The following CACNA1E variants were observed in gnomAD, a reference collection of about 807,000 sequenced individuals.
The protein encoded by CACNA1E is voltage-dependent R-type calcium channel subunit alpha-1E.
Under a neutral mutation model 259.2 loss-of-function variants are expected in CACNA1E, and 40 were observed. The observed-to-expected ratio is 0.15, with a 90% CI of 0.12 to 0.20. The LOEUF is 0.20. Ranked by LOEUF, CACNA1E falls within the 10% of genes least tolerant of loss-of-function variation. The pLI, the probability that CACNA1E is intolerant of heterozygous loss-of-function variation, is 1.00. For synonymous variants in CACNA1E, 1,104 were observed against 1,138.5 expected, an observed-to-expected ratio of 0.97 and a Z score of 0.61; for missense variants, 1,874 against 3,040.1, an observed-to-expected ratio of 0.62 and a Z score of 9.02.
At chr1:181,668,537 AAG>A (rs1261520303) in intron 7 of CACNA1E, among the ~76,000 whole-genome samples, 1 of 152,138 alleles carries the variant, frequency 6.6e-6, no homozygotes, top group Non-Finnish European at 1.5e-5. Context: ...GCCATATGGT[AAG>A]TGCATGTTTA....
At position 181,802,881 on chromosome 1, in the gene CACNA1E, A is replaced by G. The variant is rs1662377136; in HGVS notation, c.*4047A>G. The G allele has an allele frequency of 6.6e-6, 1 of 152,196 alleles. No homozygotes were observed. Among genetic ancestry groups the G allele is most frequent in the South Asian group, 2.1e-4 (1 of 4,836 alleles). 9.4% of individuals were successfully genotyped at this position (152,196 alleles called of 1,614,324 possible). ...AAGTGTTTCTTTAGTGGTTGGGGCC[A>G]GGGACAGGTTGAGGGATATTTCTCG... On this transcript the variant is annotated 3_prime_UTR_variant, in exon 48 of 48. Transcript: ENST00000367573.
At chr1:181,738,267 G>C in intron 23 of CACNA1E, 100 bp from the exon 24 acceptor site, 1 of 895,048 alleles carries the variant, frequency 1.1e-6, no homozygotes. Context: ...TGAGGGCCAG[G>C]GTGGGCGTGC....
At chr1:181,573,116 T>C (rs1030418596) in intron 3 of CACNA1E, among the ~76,000 whole-genome samples, 10 of 152,176 alleles carry the variant, frequency 6.6e-5, no homozygotes, top group African/African-American at 2.4e-4. Context: ...TTTAATTTTT[T>C]CTGAGCTTTG....
chr1:181,578,106 AAAAAG>A (rs1651156108), intron 4 of CACNA1E, among the ~76,000 whole-genome samples: 1 of 152,170 alleles, frequency 6.6e-6, no homozygotes, highest in African/African-American at 2.4e-5. Context: ...GTAAACAACA[AAAAAG>A]AAAAGTGCTC....
At chr1:181,328,044 T>C (rs535150946) in intron 1 of CACNA1E, among the ~76,000 whole-genome samples, 2 of 152,338 alleles carry the variant, frequency 1.3e-5, no homozygotes, top group Admixed American at 6.5e-5. Flanking sequence ...CTTCACATAG[T>C]TGCAGAAGGT....
At chr1:181,562,947 C>A (rs1649465615) in intron 3 of CACNA1E, among the ~76,000 whole-genome samples, 1 of 152,068 alleles carries the variant, frequency 6.6e-6, no homozygotes, top group Admixed American at 6.6e-5. Context: ...AGGCACAATT[C>A]TTTTTTAATT....
At chr1:181,390,090 T>G (rs1390992181) in intron 1 of CACNA1E, among the ~76,000 whole-genome samples, 1 of 152,156 alleles carries the variant, frequency 6.6e-6, no homozygotes, top group East Asian at 1.9e-4. Flanking sequence ...TGCTGCCGTG[T>G]GATTGACTGC....
chr1:181,807,018 T>TGTG lies in CACNA1E; in HGVS notation c.*8187_*8189dup, dbSNP rs1462096817. ...GTTAAAAAATGCACTTTGTGCTGTG[T>TGTG]GTGGTAGCTCGTATGTGTTACCCCA... is the stretch of plus-strand genomic sequence containing the variant. On this transcript the variant is annotated 3_prime_UTR_variant, in exon 48 of 48. Coordinates refer to ENST00000367573, the MANE Select transcript of CACNA1E (RefSeq NM_001205293.3). 2.0e-5 allele frequency: 3 copies of TGTG among 151,884 alleles called. No homozygotes were observed. Among genetic ancestry groups the TGTG allele is most frequent in the Admixed American group, 2.0e-4 (3 of 15,258 alleles). The allele number at this position is 151,884 out of a possible 1,614,324, so 9.4% of individuals were successfully genotyped here. A position where few individuals can be genotyped will look rare whatever the true frequency, so the allele number is the denominator to read the frequency against.
At chr1:181,724,354 C>T in intron 16 of CACNA1E, 116 bp from the exon 17 acceptor site, 2 of 746,704 alleles carry the variant, frequency 2.7e-6, no homozygotes, top group Non-Finnish European at 4.7e-6. Flanking sequence ...AGTGACTCTT[C>T]AGGGTAGCTT....
chr1:181,545,881 CT>C, intron 3 of CACNA1E, among the ~76,000 whole-genome samples: 1 of 152,256 alleles, frequency 6.6e-6, no homozygotes, highest in East Asian at 1.9e-4. Flanking sequence ...TTTGCTGTTC[CT>C]TCAGGAGTGT....
In CACNA1E at chr1:181,557,044, C is replaced by G. The variant is rs577921912; in HGVS notation, c.513-20722C>G. ...AGGCATGGGTCTCTGTCTCCTTGGC[C>G]CTGGGAGAAGGGATTTTGGTGGGAG... On this transcript the variant is annotated intron_variant, in intron 3 of 47. Transcript: ENST00000367573. Among the ~76,000 whole-genome samples the G allele has an allele frequency of 3.3e-5, 5 of 152,082 alleles. No individual in the cohort carries two copies. In the South Asian group the frequency reaches 1.0e-3, roughly 32 times the overall value.
chr1:181,643,805 G>A (rs989048479), intron 6 of CACNA1E, among the ~76,000 whole-genome samples: 1 of 152,230 alleles, frequency 6.6e-6, no homozygotes, highest in South Asian at 2.1e-4. Flanking sequence ...TGGCAGCGGG[G>A]AGATGGTGGC....
Position 181,803,274 on chromosome 1 carries a change from G to A in CACNA1E, c.*4440G>A, listed in dbSNP as rs1662406539. The stretch of plus-strand genomic sequence containing the variant: ...GAAGGAAGAAGTGGGTCCCTTGCAA[G>A]TGGCCAGACAGGGAATGATGGTTTG... On this transcript the variant is annotated 3_prime_UTR_variant, in exon 48 of 48. Transcript: ENST00000367573. The A allele has an allele frequency of 8.2e-6, 1 of 122,540 alleles. No homozygotes were observed. The highest frequency in any genetic ancestry group is 3.0e-4 in the South Asian group (1 of 3,372). The allele number at this position is 122,540 out of a possible 1,614,324, so 7.6% of individuals were successfully genotyped here. A position where few individuals can be genotyped will look rare whatever the true frequency, so the allele number is the denominator to read the frequency against.
intron 1 of CACNA1E, among the ~76,000 whole-genome samples, chr1:181,353,196 C>T (rs568460142): frequency 6.6e-6 from 1 of 152,304 alleles, no homozygotes; most frequent in East Asian, 1.9e-4. Context: ...ACATCATCTC[C>T]CTGAGATCCT....
chr1:181,757,910 A>C, intron 30 of CACNA1E, 37 bp from the exon 31 acceptor site: 1 of 1,606,152 alleles, frequency 6.2e-7, no homozygotes, highest in Non-Finnish European at 8.5e-7. Context: ...GATCTAGGGG[A>C]TTTGAATTTG....
intron 25 of CACNA1E, among the ~76,000 whole-genome samples, chr1:181,750,199 C>G (rs1361565230): frequency 3.9e-5 from 6 of 152,250 alleles, no homozygotes; most frequent in Admixed American, 1.3e-4. Context: ...TAGAATTGTC[C>G]CTTGTGCTGG....
intron 3 of CACNA1E, among the ~76,000 whole-genome samples, chr1:181,568,705 C>T (rs1218621118): frequency 6.6e-6 from 1 of 152,128 alleles, no homozygotes; most frequent in East Asian, 1.9e-4. Flanking sequence ...GTGATTCTCC[C>T]ACCTCAGCCT....
At chr1:181,609,867 C>A (rs1654583025) in intron 6 of CACNA1E, among the ~76,000 whole-genome samples, 1 of 152,160 alleles carries the variant, frequency 6.6e-6, no homozygotes, top group South Asian at 2.1e-4. Context: ...GTGGGCAAAA[C>A]CAGGATGGTC....
intron 1 of CACNA1E, among the ~76,000 whole-genome samples, chr1:181,410,046 G>T (rs894930342): frequency 2.0e-5 from 3 of 152,146 alleles, no homozygotes; most frequent in African/African-American, 7.2e-5. Context: ...CGAGGGAAAG[G>T]AGGCTGCAGC....
Sources: gnomAD v4.1 joint callset for allele counts (sites outside exome capture counted in the v4.1 genomes callset) on GRCh38, gnomAD v4.1.1 for gene constraint, MANE v1.5 for transcripts, NCBI Gene and HGNC (gene_info 2026-07-23, HGNC 2026-07-21) for gene names.